STRIP1: variants seen among roughly 807,000 people sequenced by gnomAD.
STRIP1 encodes striatin interacting protein 1, also known as striatin-interacting protein 1.
In STRIP1, 63 loss-of-function variants were observed where a neutral mutation model predicts 106.2. The ratio of observed to expected loss-of-function variants is 0.59; its 90% CI spans 0.48 to 0.73. STRIP1 has a LOEUF of 0.73. Ranked by LOEUF, STRIP1 falls within the 30% of genes least tolerant of loss-of-function variation. The probability of loss-of-function intolerance (pLI) is 0.00; values close to 1 mark genes in which losing one functional copy is unlikely to be tolerated. For missense variants in STRIP1, 857 were observed against 1,074.8 expected, an observed-to-expected ratio of 0.80 and a Z score of 2.83; for synonymous variants, 390 against 413.0, an observed-to-expected ratio of 0.94 and a Z score of 0.67.
At chr1:110,042,924 G>A (rs561913314) in intron 8 of STRIP1, 164 bp from the exon 9 acceptor site, 70 of 619,024 alleles carry the variant, frequency 1.1e-4, no homozygotes, top group Non-Finnish European at 1.5e-4. Flanking sequence ...CGGATGTCAC[G>A]GAATTCTCCT....
At chr1:110,052,029 G>A (rs1009684021) in intron 20 of STRIP1, 142 bp downstream of exon 20, 3 of 881,226 alleles carry the variant, frequency 3.4e-6, no homozygotes, top group African/African-American at 1.7e-5. Context: ...TCCTGCTTTT[G>A]TAGCATCAGG....
upstream of STRIP1, among the ~76,000 whole-genome samples, chr1:110,033,508 C>G (rs1324985045): frequency 6.6e-6 from 1 of 152,128 alleles, no homozygotes; most frequent in Non-Finnish European, 1.5e-5. Flanking sequence ...GTCTGGGGAG[C>G]CCAAAGTCGA....
chr1:110,047,678 C>T (rs1653094056), intron 14 of STRIP1, 62 bp downstream of exon 14: 3 of 1,552,430 alleles, frequency 1.9e-6, no homozygotes, highest in Non-Finnish European at 1.8e-6. Flanking sequence ...CCCTGCCGTC[C>T]TCCTGCCACC....
At position 110,047,788 on chromosome 1, in the gene STRIP1, T is replaced by G; in HGVS notation, c.1580T>G (p.Ile527Ser). 6.4e-7 allele frequency: 1 copy of G among 1,569,676 alleles called. No homozygotes were observed. The highest frequency in any genetic ancestry group is 8.6e-7 in the Non-Finnish European group (1 of 1,156,114). The stretch of plus-strand genomic sequence containing the variant: ...TCTTCCCAGATTGCCCTCCTGAAGA[T>G]CCTGTTGGCTGCAGCACCCACCTCA... ...LPQYMIALLKILLAAAPTSKA... is the reference protein window; with the variant it reads ...LPQYMIALLKSLLAAAPTSKA... The change falls in exon 15 of 21, where the codon ATC becomes AGC. Residue 527 changes from isoleucine to serine, a missense_variant. Ile to Ser is a moderately radical substitution (Grantham distance 142). Transcript: ENST00000369795.
At position 110,053,853 on chromosome 1, in the gene STRIP1, C is replaced by G. The variant is rs1198568079; in HGVS notation, c.2455C>G (p.Leu819Val). Residue 819 changes from leucine to valine, a missense_variant, in exon 21 of 21, where the codon CTC (leucine) becomes GTC (valine). By Grantham distance (32) the Leu-to-Val change is conservative. Around this residue, in one of 2 missense-constraint regions of STRIP1, gnomAD observed 750 missense variants for 989.8 expected, o/e 0.76. Transcript: ENST00000369795. ...LPEDFQMNYD[L>V]WLEREVFSKP... is the part of the protein sequence containing the mutation. The stretch of plus-strand genomic sequence containing the variant: ...TGAGGACTTTCAGATGAACTATGAC[C>G]TCTGGTTAGAAAGGGAGGTCTTCTC... 6.2e-7 allele frequency: 1 copy of G among 1,614,182 alleles called. No individual in the cohort carries two copies. Among genetic ancestry groups the G allele is most frequent in the Non-Finnish European group, 8.5e-7 (1 of 1,180,040 alleles).
chr1:110,044,814 T>C (rs1557792344), intron 10 of STRIP1, 26 bp from the exon 11 acceptor site: 5 of 1,612,710 alleles, frequency 3.1e-6, no homozygotes, highest in Admixed American at 3.3e-5. Flanking sequence ...CCTTTTTTCT[T>C]TCTCTCTTTT....
In STRIP1 at chr1:110,039,829, G is replaced by A. The variant is rs768438621; in HGVS notation, c.581+314G>A. The A allele has an allele frequency of 3.0e-6, 4 of 1,317,192 alleles. No individual in the cohort carries two copies. The South Asian group carries it at 4.9e-5, about 16-fold the overall frequency. The allele number at this position is 1,317,192 out of a possible 1,614,324, so 81.6% of individuals were successfully genotyped here. Reference sequence around the variant, plus strand: ...GCTCTCTTTTGAACCTGCAGACACTGCTGTGTTCGCCCTGCAGTTTCCGCC... The same window carrying A: ...GCTCTCTTTTGAACCTGCAGACACTACTGTGTTCGCCCTGCAGTTTCCGCC... On this transcript the variant is annotated intron_variant, in intron 5 of 20. Coordinates refer to ENST00000369795, the MANE Select transcript of STRIP1 (RefSeq NM_033088.4).
chr1:110,043,153 C>T lies in STRIP1; in HGVS notation c.951C>T (p.Leu317=). 5 of 1,613,832 alleles carry T rather than the reference C, an allele frequency of 3.1e-6. No individual in the cohort carries two copies. The highest frequency in any genetic ancestry group is 1.3e-5 in the African/African-American group (1 of 75,050). ...MKAEKRSILG[L]PPLPEDSIKV... ...CTGAGAAGCGCAGCATCCTGGGCCT[C>T]CCCCCGCTTCCTGAGGACAGCATCA... Residue 317 remains leucine, a synonymous_variant, in exon 9 of 21, where the codon CTC becomes CTT. Transcript: ENST00000369795.
upstream of STRIP1, among the ~76,000 whole-genome samples, chr1:110,033,697 C>T (rs993529148): frequency 6.6e-6 from 1 of 152,206 alleles, no homozygotes; most frequent in African/African-American, 2.4e-5. Context: ...CTCAAGGCTC[C>T]ACCTCCAAAT....
chr1:110,041,840 G>A lies in STRIP1; in HGVS notation c.864G>A (p.Leu288=). 1 of 1,614,180 alleles carries A rather than the reference G, an allele frequency of 6.2e-7. No individual in the cohort carries two copies. Among genetic ancestry groups the A allele is most frequent in the East Asian group, 2.2e-5 (1 of 44,888 alleles). Residue 288 remains leucine (L), a synonymous_variant, in exon 8 of 21, where the codon TTG becomes TTA. Transcript: ENST00000369795. ...ACTTTCCCATGAAGAAAGTTCTCTT[G>A]CTGCTCTGGAAGACAGTATTGGTGA... ...APHFPMKKVL[L]LLWKTVLCTL...
chr1:110,040,031 A>T, intron 5 of STRIP1: 1 of 586,580 alleles, frequency 1.7e-6, no homozygotes, highest in South Asian at 1.5e-5. Flanking sequence ...TTCTCAGAAT[A>T]TTACATGTGC....
intron 2 of STRIP1, 118 bp from the exon 3 acceptor site, chr1:110,038,565 A>G (rs1320988128): frequency 2.7e-6 from 2 of 730,582 alleles, no homozygotes; most frequent in Non-Finnish European, 4.8e-6. Context: ...TCCAGGAGTC[A>G]CTATGACTCA....
chr1:110,040,735 C>A, intron 6 of STRIP1, 32 bp downstream of exon 6: 1 of 1,585,214 alleles, frequency 6.3e-7, no homozygotes. Context: ...GGCTCCTGAG[C>A]GTTAGTCAGA....
chr1:110,042,328 G>T (rs1360792910), intron 8 of STRIP1, among the ~76,000 whole-genome samples: 1 of 152,212 alleles, frequency 6.6e-6, no homozygotes, highest in African/African-American at 2.4e-5. Flanking sequence ...GGGTGCCAGA[G>T]TGGGCCGTCC....
Position 110,054,011 on chromosome 1 carries a change from G to C in STRIP1, c.*99G>C, listed in dbSNP as rs1476588403. ...GCTGCAGTGCTCCCATCCCCCACCA[G>C]GTGGCAGCACAGCCCCACTGTGTCT... is the stretch of plus-strand genomic sequence containing the variant. On this transcript the variant is annotated 3_prime_UTR_variant, in exon 21 of 21. Coordinates refer to ENST00000369795, the MANE Select transcript of STRIP1 (RefSeq NM_033088.4). The C allele has an allele frequency of 6.8e-7, 1 of 1,471,378 alleles. No individual in the cohort carries two copies. The highest frequency in any genetic ancestry group is 9.3e-7 in the Non-Finnish European group (1 of 1,078,354). The allele number at this position is 1,471,378 out of a possible 1,614,324, so 91.1% of individuals were successfully genotyped here.
At chr1:110,044,447 G>A (rs985867630) in intron 10 of STRIP1, among the ~76,000 whole-genome samples, 5 of 152,248 alleles carry the variant, frequency 3.3e-5, no homozygotes, top group African/African-American at 1.2e-4. Flanking sequence ...TGCAAGGTAT[G>A]CTGATTGTTT....
intron 8 of STRIP1, 37 bp from the exon 9 acceptor site, chr1:110,043,051 C>T: frequency 8.9e-6 from 14 of 1,573,986 alleles, no homozygotes; most frequent in African/African-American, 1.3e-5. Context: ...CCTGTGGACA[C>T]ATTGACCCTG....
intron 2 of STRIP1, chr1:110,038,394 G>T (rs1388562000): frequency 2.5e-6 from 1 of 393,712 alleles, no homozygotes; most frequent in African/African-American, 2.0e-5. Context: ...AGAGGTAGCA[G>T]CCATTTGAGA....
intron 12 of STRIP1, among the ~76,000 whole-genome samples, 167 bp from the exon 13 acceptor site, chr1:110,046,513 T>C (rs913864284): frequency 1.3e-5 from 2 of 151,882 alleles, no homozygotes; most frequent in African/African-American, 4.8e-5. Context: ...AAAATAAAAA[T>C]AAAAAATATC....
Sources: gnomAD v4.1 joint callset for allele counts (sites outside exome capture counted in the v4.1 genomes callset) on GRCh38, gnomAD v4.1.1 for gene constraint, gnomAD v4.1.1 regional missense constraint, MANE v1.5 for transcripts, NCBI Gene and HGNC (gene_info 2026-07-23, HGNC 2026-07-21) for gene names.